The following RHBDD1 variants were observed in gnomAD, a reference collection of about 807,000 sequenced individuals.
RHBDD1 encodes the protein rhomboid domain containing 1.
A neutral mutation model predicts 36.3 loss-of-function variants in RHBDD1; 38 were observed. The ratio of observed to expected loss-of-function variants is 1.05; its 90% CI spans 0.81 to 1.37. The LOEUF (loss-of-function observed/expected upper bound fraction) is 1.37, where lower values mean the gene tolerates loss of function less well. RHBDD1 is among the 40% of genes most tolerant of loss of function. RHBDD1 has a pLI of 0.00. For missense variants in RHBDD1, 393 were observed against 377.6 expected (o/e 1.04, Z -0.34); for synonymous variants, 151 against 136.5 (o/e 1.11, Z -0.74).
intron 8 of RHBDD1, among the ~76,000 whole-genome samples, chr2:226,940,144 C>T (rs958769194): frequency 1.3e-5 from 2 of 152,110 alleles, no homozygotes; most frequent in African/African-American, 2.4e-5. Context: ...AAATGTAAAA[C>T]CAAAAACTGT....
intron 8 of RHBDD1, among the ~76,000 whole-genome samples, chr2:226,994,916 G>C (rs945939371): frequency 2.0e-5 from 3 of 152,056 alleles, no homozygotes; most frequent in African/African-American, 7.2e-5. Flanking sequence ...GATCAGTATG[G>C]TAACTCTGCT....
intron 8 of RHBDD1, among the ~76,000 whole-genome samples, chr2:226,952,550 G>A (rs1951499380): frequency 6.6e-6 from 1 of 152,010 alleles, no homozygotes; most frequent in African/African-American, 2.4e-5. Flanking sequence ...TGCCCACCTT[G>A]GCCTCCCAAA....
At chr2:226,931,267 A>C (rs1950015296) in intron 8 of RHBDD1, among the ~76,000 whole-genome samples, 1 of 152,058 alleles carries the variant, frequency 6.6e-6, no homozygotes, top group Non-Finnish European at 1.5e-5. Flanking sequence ...ATGAGTAAAG[A>C]AAATGTGATA....
intron 5 of RHBDD1, among the ~76,000 whole-genome samples, chr2:226,896,521 G>T (rs1324801817): frequency 6.6e-6 from 1 of 152,108 alleles, no homozygotes; most frequent in Non-Finnish European, 1.5e-5. Context: ...CTCCTTCCAA[G>T]CTGCCATCAT....
chr2:226,958,420 C>T (rs1365583241), intron 8 of RHBDD1, among the ~76,000 whole-genome samples: 1 of 152,090 alleles, frequency 6.6e-6, no homozygotes, highest in Non-Finnish European at 1.5e-5. Context: ...TGCTAATAGG[C>T]ATTGAGTTTC....
the RHBDD1 span, among the ~76,000 whole-genome samples, chr2:226,818,147 A>C: frequency 6.7e-6 from 1 of 148,574 alleles, no homozygotes; most frequent in Admixed American, 6.7e-5. Flanking sequence ...AGTGGTCCAA[A>C]CAGTATTTTT....
At chr2:226,806,693 C>T in the RHBDD1 span, among the ~76,000 whole-genome samples, 8 of 152,258 alleles carry the variant, frequency 5.3e-5, no homozygotes, top group South Asian at 1.7e-3. Flanking sequence ...ACCTGCAATG[C>T]ACTCAGATCT....
At chr2:226,825,506 C>T in the RHBDD1 span, among the ~76,000 whole-genome samples, 10 of 151,958 alleles carry the variant, frequency 6.6e-5, no homozygotes, top group Admixed American at 6.6e-4. Flanking sequence ...ATCTAAAACA[C>T]TCAATAGATA....
At chr2:226,973,464 C>A (rs774323446) in intron 8 of RHBDD1, among the ~76,000 whole-genome samples, 2 of 152,170 alleles carry the variant, frequency 1.3e-5, no homozygotes, top group Non-Finnish European at 2.9e-5. Context: ...ATTGGCTTTG[C>A]CATTTACCCA....
rs886567742 is a variant in RHBDD1, at chr2:226,904,415, G to GA, written c.567-2378_567-2377insA. On this transcript the variant is annotated intron_variant, in intron 5 of 8. Coordinates refer to ENST00000392062, the MANE Select transcript of RHBDD1 (RefSeq NM_001167608.3). ...CACCACTGTGGCACATCCTGCAAGC[G>GA]GGGGGGGAGGGGGGTCAGGGAACTC... Among the ~76,000 whole-genome samples, 6 of 124,532 alleles carry GA rather than the reference G, an allele frequency of 4.8e-5. No homozygotes were observed. The Admixed American group carries it at 5.0e-4, about 10-fold the overall frequency. The allele number at this position is 124,532 out of a possible 152,430, so 81.7% of individuals were successfully genotyped here.
At chr2:226,890,546 C>T (rs1321558480) in intron 5 of RHBDD1, among the ~76,000 whole-genome samples, 1 of 152,128 alleles carries the variant, frequency 6.6e-6, no homozygotes, top group African/African-American at 2.4e-5. Flanking sequence ...AGTGTTTAGC[C>T]AAATGCTCTT....
intron 8 of RHBDD1, among the ~76,000 whole-genome samples, chr2:226,981,585 C>CAA (rs1955776264): frequency 6.6e-6 from 1 of 151,690 alleles, no homozygotes; most frequent in African/African-American, 2.4e-5. Context: ...CACACACACA[C>CAA]ACTTTCTCTA....
At chr2:226,807,168 C>T in the RHBDD1 span, among the ~76,000 whole-genome samples, 1 of 152,206 alleles carries the variant, frequency 6.6e-6, no homozygotes, top group Non-Finnish European at 1.5e-5. Context: ...TTTATCATCA[C>T]TTCCCAATAT....
chr2:226,849,650 C>T (rs1160565188), intron 3 of RHBDD1, among the ~76,000 whole-genome samples: 6 of 152,244 alleles, frequency 3.9e-5, no homozygotes, highest in South Asian at 4.1e-4. Context: ...AACACAGCAA[C>T]GACAGAGAGT....
chr2:226,991,610 G>A (rs1018687126), intron 8 of RHBDD1, among the ~76,000 whole-genome samples: 2 of 152,164 alleles, frequency 1.3e-5, no homozygotes, highest in African/African-American at 4.8e-5. Flanking sequence ...ACTGTCATGT[G>A]GCACTCAGCT....
chr2:226,866,365 C>T (rs1423518991), intron 4 of RHBDD1, among the ~76,000 whole-genome samples: 1 of 152,084 alleles, frequency 6.6e-6, no homozygotes, highest in African/African-American at 2.4e-5. Flanking sequence ...CCACTGTGCC[C>T]GGCCTTGATT....
chr2:226,976,442 A>G (rs537423283), intron 8 of RHBDD1, among the ~76,000 whole-genome samples: 1 of 151,934 alleles, frequency 6.6e-6, no homozygotes, highest in South Asian at 2.1e-4. Flanking sequence ...GTTGTAAATT[A>G]TCAAAATGTG....
chr2:226,896,991 T>TG (rs1947150007), intron 5 of RHBDD1, among the ~76,000 whole-genome samples: 1 of 152,056 alleles, frequency 6.6e-6, no homozygotes, highest in Admixed American at 6.6e-5. Context: ...TCAGTAGAGA[T>TG]GGGGTTTCAC....
intron 8 of RHBDD1, among the ~76,000 whole-genome samples, chr2:226,957,578 AAAG>A (rs751993201): frequency 4.0e-4 from 61 of 152,038 alleles, no homozygotes; most frequent in Admixed American, 2.2e-3. Context: ...CCCAAAAAAA[AAAG>A]AAGAAGGAAA....
Sources: allele counts gnomAD v4.1 joint callset (sites outside exome capture counted in the v4.1 genomes callset), GRCh38; gene constraint gnomAD v4.1.1; transcripts MANE v1.5; gene names NCBI Gene and HGNC (gene_info 2026-07-23, HGNC 2026-07-21).